Variants in TRIM71 observed in about 807,000 individuals in gnomAD.
TRIM71 encodes E3 ubiquitin-protein ligase TRIM71.
Under a neutral mutation model 61.2 loss-of-function variants are expected in TRIM71, and 9 were observed. That is an observed-to-expected ratio of 0.15 (90% confidence interval 0.09 to 0.26). The LOEUF (loss-of-function observed/expected upper bound fraction) is 0.26, where lower values mean the gene tolerates loss of function less well. Among genes scored for constraint, TRIM71 ranks in the 10% least tolerant of loss-of-function variants. TRIM71 has a pLI of 1.00. For missense variants in TRIM71, 998 were observed against 1,238.7 expected (o/e 0.81, Z 2.92); for synonymous variants, 645 against 553.2 (o/e 1.17, Z -2.33).
chr3:32,884,716 A>G (rs867502715), intron 2 of TRIM71, among the ~76,000 whole-genome samples: 2 of 152,154 alleles, frequency 1.3e-5, no homozygotes, highest in East Asian at 1.9e-4. Context: ...GGTGGTGATT[A>G]TACAACACTG....
chr3:32,885,238 A>G (rs1696947633), intron 2 of TRIM71, among the ~76,000 whole-genome samples: 2 of 152,198 alleles, frequency 1.3e-5, no homozygotes, highest in East Asian at 3.8e-4. Flanking sequence ...CGGTATCTCA[A>G]CCATGTAATA....
intron 1 of TRIM71, among the ~76,000 whole-genome samples, chr3:32,866,905 A>G (rs1262776764): frequency 6.6e-6 from 1 of 152,134 alleles, no homozygotes; most frequent in Non-Finnish European, 1.5e-5. Context: ...ATTAGGGAAG[A>G]AGGGAGCATG....
intron 1 of TRIM71, among the ~76,000 whole-genome samples, chr3:32,827,271 T>C (rs1308137593): frequency 6.7e-6 from 1 of 149,630 alleles, no homozygotes; most frequent in Non-Finnish European, 1.5e-5. Context: ...GATAATTCTT[T>C]TTTTTTTTTT....
chr3:32,877,145 C>G (rs545561477), intron 2 of TRIM71, among the ~76,000 whole-genome samples: 221 of 152,264 alleles, frequency 1.5e-3, no homozygotes, highest in Admixed American at 3.4e-3. Flanking sequence ...GCTCTATCGC[C>G]CAGGCTGGAG....
At chr3:32,839,561 C>T (rs1279792728) in intron 1 of TRIM71, among the ~76,000 whole-genome samples, 2 of 150,700 alleles carry the variant, frequency 1.3e-5, no homozygotes, top group Non-Finnish European at 2.9e-5. Context: ...ACGTCTGACC[C>T]GTCAAGCCCC....
intron 1 of TRIM71, among the ~76,000 whole-genome samples, chr3:32,838,568 G>C (rs1479450574): frequency 6.6e-6 from 1 of 150,830 alleles, no homozygotes; most frequent in East Asian, 1.9e-4. Flanking sequence ...GCATGCAGTG[G>C]AGAAGTGAAG....
At chr3:32,870,284 A>G (rs1161195835) in intron 1 of TRIM71, among the ~76,000 whole-genome samples, 1 of 152,160 alleles carries the variant, frequency 6.6e-6, no homozygotes, top group Non-Finnish European at 1.5e-5. Context: ...GCATTCTTTT[A>G]AAAATTCATT....
intron 1 of TRIM71, among the ~76,000 whole-genome samples, chr3:32,819,972 T>C (rs1696109113): frequency 1.3e-5 from 2 of 152,256 alleles, no homozygotes; most frequent in Non-Finnish European, 2.9e-5. Flanking sequence ...TGTGACCCCT[T>C]TCTCCTTTCC....
At chr3:32,860,590 C>T (rs1696656364) in intron 1 of TRIM71, among the ~76,000 whole-genome samples, 1 of 152,176 alleles carries the variant, frequency 6.6e-6, no homozygotes, top group African/African-American at 2.4e-5. Context: ...AGAAGATCAC[C>T]ATTGCTCTCT....
At chr3:32,878,182 A>G (rs190305679) in intron 2 of TRIM71, among the ~76,000 whole-genome samples, 1 of 152,372 alleles carries the variant, frequency 6.6e-6, no homozygotes, top group Admixed American at 6.5e-5. Flanking sequence ...GTTACCAGAC[A>G]TGAAAACAAC....
chr3:32,891,144 G>A lies in TRIM71; in HGVS notation c.1940G>A (p.Gly647Asp). 6.2e-7 allele frequency: 1 copy of A among 1,612,754 alleles called. No homozygotes were observed. The highest frequency in any genetic ancestry group is 8.5e-7 in the Non-Finnish European group (1 of 1,180,016). ...TTCCACCACAAATTCGGCACCCTGG[G>A]CTCCCGGCCTGGGCAGTTCGACCGA... ...GAFHHKFGTL[G>D]SRPGQFDRPA... Residue 647 changes from glycine (G) to aspartate (D), a missense_variant, in exon 4 of 4, where the codon GGC becomes GAC. Around this residue, in one of 5 missense-constraint regions of TRIM71, gnomAD observed 83 missense variants for 202.7 expected, o/e 0.41. Coordinates refer to ENST00000383763, the MANE Select transcript of TRIM71 (RefSeq NM_001039111.3). This position sits in a 1 kb window ranked among gnomAD's most constrained non-coding sequence, Gnocchi z 8.2.
At chr3:32,865,710 C>T (rs1309428310) in intron 1 of TRIM71, among the ~76,000 whole-genome samples, 1 of 150,462 alleles carries the variant, frequency 6.6e-6, no homozygotes, top group Non-Finnish European at 1.5e-5. Flanking sequence ...AGCAAGTAAG[C>T]CCAGCCAAAT....
intron 1 of TRIM71, among the ~76,000 whole-genome samples, chr3:32,828,171 C>T (rs552655042): frequency 2.7e-4 from 41 of 152,040 alleles, no homozygotes; most frequent in African/African-American, 8.4e-4. Context: ...CTGTGCCCTC[C>T]GAGATCAGTG....
intron 2 of TRIM71, among the ~76,000 whole-genome samples, chr3:32,877,622 C>T (rs567892413): frequency 2.6e-5 from 4 of 152,228 alleles, no homozygotes; most frequent in African/African-American, 4.8e-5. Flanking sequence ...CCTCCCAAGG[C>T]GCTGAGATTA....
chr3:32,864,584 G>A (rs146443401), intron 1 of TRIM71, among the ~76,000 whole-genome samples: 66 of 152,344 alleles, frequency 4.3e-4, no homozygotes, highest in African/African-American at 7.2e-4. Flanking sequence ...TTGTTTATTC[G>A]AGATCCCCTG....
chr3:32,886,136 C>T (rs1399382986), intron 3 of TRIM71, 68 bp downstream of exon 3: 12 of 1,510,034 alleles, frequency 7.9e-6, no homozygotes, highest in African/African-American at 1.4e-5. Context: ...CAGCACTCTA[C>T]GGGACTCTTT....
At chr3:32,856,491 A>G (rs967524379) in intron 1 of TRIM71, among the ~76,000 whole-genome samples, 1 of 152,104 alleles carries the variant, frequency 6.6e-6, no homozygotes, top group Non-Finnish European at 1.5e-5. Flanking sequence ...CAAGGACATC[A>G]TAGTGCCAAG....
At chr3:32,847,165 C>T (rs1430966561) in intron 1 of TRIM71, among the ~76,000 whole-genome samples, 1 of 150,644 alleles carries the variant, frequency 6.6e-6, no homozygotes, top group Non-Finnish European at 1.5e-5. Context: ...GCTTGGACTA[C>T]AGGCTCTCGC....
chr3:32,844,874 G>A (rs966606077), intron 1 of TRIM71, among the ~76,000 whole-genome samples: 5 of 152,116 alleles, frequency 3.3e-5, no homozygotes, highest in Admixed American at 1.3e-4. Context: ...AAGCCATTCC[G>A]TACTTCCAAA....
Sources: allele counts gnomAD v4.1 joint callset (sites outside exome capture counted in the v4.1 genomes callset), GRCh38; gene constraint gnomAD v4.1.1; regional missense constraint gnomAD v4.1.1; non-coding constraint Gnocchi (gnomAD v3.1); transcripts MANE v1.5; gene names NCBI Gene and HGNC (gene_info 2026-07-23, HGNC 2026-07-21).